Variants in MCM3AP observed in about 807,000 individuals in gnomAD.
The protein encoded by MCM3AP is germinal-center associated nuclear protein.
A neutral mutation model predicts 184.1 loss-of-function variants in MCM3AP; 126 were observed. The ratio of observed to expected loss-of-function variants is 0.68; its 90% CI spans 0.59 to 0.79. MCM3AP has a LOEUF of 0.79. Among genes scored for constraint, MCM3AP ranks in the 30% least tolerant of loss-of-function variants. MCM3AP has a pLI of 0.00. For missense variants in MCM3AP, 2,496 were observed against 2,479.2 expected (o/e 1.01, Z -0.14); for synonymous variants, 1,002 against 979.3 (o/e 1.02, Z -0.43).
Position 46,284,597 on chromosome 21 carries a change from A to G in MCM3AP, c.690T>C (p.Asn230=). 23 of 1,614,180 alleles carry G rather than the reference A, an allele frequency of 1.4e-5. No homozygotes were observed. The highest frequency in any genetic ancestry group is 1.9e-5 in the Non-Finnish European group (22 of 1,180,026). ...TAGGTCCTCTCTTCTCTTCCTCTAC[A>G]TTTTGGTTTGACAAAGCAGGGGTAA... is the stretch of plus-strand genomic sequence containing the variant. ...SAFTPALSNQ[N]VEEEKRGPKS... The change falls in exon 1 of 28, where the codon AAT becomes AAC. Residue 230 remains asparagine (N), a synonymous_variant. Coordinates refer to ENST00000291688, the MANE Select transcript of MCM3AP (RefSeq NM_003906.5).
chr21:46,263,912 G>T (rs553144464), intron 13 of MCM3AP, among the ~76,000 whole-genome samples: 1 of 148,850 alleles, frequency 6.7e-6, no homozygotes, highest in Non-Finnish European at 1.5e-5. Context: ...CCTAAAATTC[G>T]CATGGTATCT....
At chr21:46,263,308 C>T (rs991188241) in intron 13 of MCM3AP, among the ~76,000 whole-genome samples, 16 of 151,792 alleles carry the variant, frequency 1.1e-4, no homozygotes, top group Non-Finnish European at 2.2e-4. Flanking sequence ...CCAGCCTGGG[C>T]GACAGAGCGA....
intron 17 of MCM3AP, among the ~76,000 whole-genome samples, chr21:46,255,185 C>G (rs1222390360): frequency 6.6e-6 from 1 of 152,138 alleles, no homozygotes; most frequent in Admixed American, 6.5e-5. Flanking sequence ...GTGTTGCAGT[C>G]TCACTCAGGG....
Position 46,284,136 on chromosome 21 carries a change from A to G in MCM3AP, c.1151T>C (p.Val384Ala), listed in dbSNP as rs941985187. The G allele has an allele frequency of 6.2e-7, 1 of 1,614,098 alleles. No individual in the cohort carries two copies. Among genetic ancestry groups the G allele is most frequent in the Non-Finnish European group, 8.5e-7 (1 of 1,180,036 alleles). ...ACCTGGAATCCGGGAAGGTGCCAGGACAGACTGATTCCCTCCTGGGATAGC... is the reference window on the plus strand; with the variant it reads ...ACCTGGAATCCGGGAAGGTGCCAGGGCAGACTGATTCCCTCCTGGGATAGC... ...HMAIPGGNQS[V>A]LAPSRIPGVN... The change falls in exon 1 of 28, where the codon GTC becomes GCC. Residue 384 changes from valine to alanine, a missense_variant. Transcript: ENST00000291688.
chr21:46,255,150 G>A (rs913292583), intron 17 of MCM3AP, among the ~76,000 whole-genome samples: 2 of 152,226 alleles, frequency 1.3e-5, no homozygotes, highest in African/African-American at 4.8e-5. Context: ...ATGCTGCCAG[G>A]TGGGGCTGGA....
Position 46,265,458 on chromosome 21 carries a change from G to A in MCM3AP, c.3097C>T (p.Leu1033=). 1 of 1,613,792 alleles carries A rather than the reference G, an allele frequency of 6.2e-7. No individual in the cohort carries two copies. Among genetic ancestry groups the A allele is most frequent in the Non-Finnish European group, 8.5e-7 (1 of 1,179,830 alleles). ...DAPLSSLPQS[L]PAPAPSPVPL... Reference sequence around the variant, plus strand: ...ACTGGTGAGGGCGCAGGGGCTGGTAGAGACTGTGGGAGACTGGACAGGGGT... The same window carrying A: ...ACTGGTGAGGGCGCAGGGGCTGGTAAAGACTGTGGGAGACTGGACAGGGGT... The change falls in exon 12 of 28, where the codon CTA becomes TTA. Residue 1033 remains leucine, a synonymous_variant. Transcript: ENST00000291688.
In MCM3AP at chr21:46,254,864, GAC is replaced by G; in HGVS notation, c.3933-22_3933-21del. The G allele has an allele frequency of 6.2e-7, 1 of 1,602,094 alleles. No homozygotes were observed. The highest frequency in any genetic ancestry group is 8.6e-7 in the Non-Finnish European group (1 of 1,169,100). ...CTTAACCTGCAAAGGAAAGCAGAAT[GAC>G]AGTGTCCCCGCAGGAGCTTAGTGAG... On this transcript the variant is annotated intron_variant, in intron 17 of 27. Coordinates refer to ENST00000291688, the MANE Select transcript of MCM3AP (RefSeq NM_003906.5).
chr21:46,251,642 C>T lies in MCM3AP; in HGVS notation c.4177G>A (p.Glu1393Lys). The T allele has an allele frequency of 6.2e-7, 1 of 1,608,052 alleles. No homozygotes were observed. The highest frequency in any genetic ancestry group is 8.5e-7 in the Non-Finnish European group (1 of 1,174,866). The change falls in exon 20 of 28, where the codon GAA becomes AAA. Residue 1393 changes from glutamate to lysine, a missense_variant. Physicochemically the swap from Glu to Lys is moderately conservative, Grantham distance 56. Coordinates refer to ENST00000291688, the MANE Select transcript of MCM3AP (RefSeq NM_003906.5). ...CTGGATGTGTCATCCACTGAGCCTTCATCTCCCATGAACTTGACTTTTAAC... is the reference window on the plus strand; with the variant it reads ...CTGGATGTGTCATCCACTGAGCCTTTATCTCCCATGAACTTGACTTTTAAC... Reference protein sequence around the residue: ...NWLKVKFMGDEGSVDDTSSDA... With the variant: ...NWLKVKFMGDKGSVDDTSSDA...
intron 8 of MCM3AP, among the ~76,000 whole-genome samples, chr21:46,271,267 C>T (rs2081175135): frequency 6.6e-6 from 1 of 150,926 alleles, no homozygotes; most frequent in South Asian, 2.1e-4. Flanking sequence ...CCTCAAGCAA[C>T]CCTCTCATCT....
chr21:46,273,667 A>G (rs1034460364), intron 6 of MCM3AP, 82 bp from the exon 7 acceptor site: 1 of 990,382 alleles, frequency 1.0e-6, no homozygotes, highest in Admixed American at 1.9e-5. Context: ...GAGGGGGAAA[A>G]TCACATACAC....
Position 46,246,419 on chromosome 21 carries a change from T to C in MCM3AP, c.4550-15A>G, listed in dbSNP as rs1223580182. 1.3e-6 allele frequency: 2 copies of C among 1,515,308 alleles called. No individual in the cohort carries two copies. The highest frequency in any genetic ancestry group is 1.7e-5 in the Admixed American group (1 of 59,904). 93.9% of individuals were successfully genotyped at this position (1,515,308 alleles called of 1,614,324 possible). A position where few individuals can be genotyped will look rare whatever the true frequency, so the allele number is the denominator to read the frequency against. On this transcript the variant is annotated splice_polypyrimidine_tract_variant and intron_variant, in intron 21 of 27. Transcript: ENST00000291688. ...TAGCATCAGACCTTTAAGACAGACATAGATGAAGGTCACTTGCATTCTGCT... is the reference window on the plus strand; with the variant it reads ...TAGCATCAGACCTTTAAGACAGACACAGATGAAGGTCACTTGCATTCTGCT...
rs760428603 is a variant in MCM3AP at position 46,267,085 on chromosome 21, A to G, written c.2686T>C (p.Ser896Pro). 1.2e-6 allele frequency: 2 copies of G among 1,614,122 alleles called. No individual in the cohort carries two copies. Among genetic ancestry groups the G allele is most frequent in the Admixed American group, 3.3e-5 (2 of 60,028 alleles). The change falls in exon 10 of 28, where the codon TCT (serine) becomes CCT (proline). Residue 896 changes from serine (S) to proline (P), a missense_variant. By Grantham distance (74) the Ser-to-Pro change is moderately conservative. Coordinates refer to ENST00000291688, the MANE Select transcript of MCM3AP (RefSeq NM_003906.5). ...ACACCATCCAGGGGAAAGATGGTAGATCGCTGTGTGCTCACCGTGTACGCA... is the reference window on the plus strand; with the variant it reads ...ACACCATCCAGGGGAAAGATGGTAGGTCGCTGTGTGCTCACCGTGTACGCA... ...NFAYTVSTQR[S>P]TIFPLDGVVR... is the part of the protein sequence containing the mutation.
chr21:46,238,771 G>A lies in MCM3AP; in HGVS notation c.5634-1792C>T, dbSNP rs201943037. Reference sequence around the variant, plus strand: ...ATTATAGAGACTGATTTTAGTAATCGGACACATTCATTCACCCTTCCAAAA... The same window carrying A: ...ATTATAGAGACTGATTTTAGTAATCAGACACATTCATTCACCCTTCCAAAA... On this transcript the variant is annotated intron_variant, in intron 26 of 27. Coordinates refer to ENST00000291688, the MANE Select transcript of MCM3AP (RefSeq NM_003906.5). Among the ~76,000 whole-genome samples, 10 of 151,926 alleles carry A rather than the reference G, an allele frequency of 6.6e-5. 2 individuals carry two copies. Among genetic ancestry groups the A allele is most frequent in the Admixed American group, 1.3e-4 (2 of 15,246 alleles).
intron 4 of MCM3AP, among the ~76,000 whole-genome samples, chr21:46,279,680 C>A (rs1025856278): frequency 1.3e-5 from 2 of 152,026 alleles, no homozygotes; most frequent in Non-Finnish European, 2.9e-5. Flanking sequence ...TTCTCAGCAA[C>A]CTTGGCCCTA....
rs1458719566 is a variant in MCM3AP at position 46,260,868 on chromosome 21, C to CTCA, written c.3503_3505dup (p.Leu1168_Ser1169insMet). 6.2e-7 allele frequency: 1 copy of CTCA among 1,613,982 alleles called. No individual in the cohort carries two copies. Among genetic ancestry groups the CTCA allele is most frequent in the Non-Finnish European group, 8.5e-7 (1 of 1,179,938 alleles). On this transcript the variant is annotated inframe_insertion, in exon 15 of 28. Transcript: ENST00000291688. Reference sequence around the variant, plus strand: ...CATCAGCTCCACGGCCAGGCCCTGGCTCAGCTCACTTAACACCAGCTCTCT... The same window carrying CTCA: ...CATCAGCTCCACGGCCAGGCCCTGGCTCATCAGCTCACTTAACACCAGCTCTCT...
intron 5 of MCM3AP, 113 bp from the exon 6 acceptor site, chr21:46,275,438 T>G: frequency 1.1e-6 from 1 of 881,858 alleles, no homozygotes; most frequent in Non-Finnish European, 1.7e-6. Context: ...ACACACACAT[T>G]ACAAAAGAAA....
In MCM3AP at chr21:46,273,679, C is replaced by T. The variant is rs188176586; in HGVS notation, c.1999-94G>A. On this transcript the variant is annotated intron_variant, in intron 6 of 27. Coordinates refer to ENST00000291688, the MANE Select transcript of MCM3AP (RefSeq NM_003906.5). The stretch of plus-strand genomic sequence containing the variant: ...AATGAGGGGGAAAATCACATACACA[C>T]CCACACAAGATCAGTATTTGAGAAT... 9.0e-5 allele frequency: 74 copies of T among 826,312 alleles called. No individual in the cohort carries two copies. In the East Asian group the frequency reaches 1.7e-3, roughly 18 times the overall value. 51.2% of individuals were successfully genotyped at this position (826,312 alleles called of 1,614,324 possible).
chr21:46,284,479 C>T lies in MCM3AP; in HGVS notation c.808G>A (p.Val270Ile). ...ACAGCTTCTTCACACCCCTGCCTGA[C>T]ACCTGCTTTGCTAGCCTGGAAAGGT... ...GEPFQASKAGVRQGCEEAVSQ... is the reference protein window; with the variant it reads ...GEPFQASKAGIRQGCEEAVSQ... The change falls in exon 1 of 28, where the codon GTC becomes ATC. Residue 270 changes from valine to isoleucine, a missense_variant. Physicochemically the swap from Val to Ile is conservative, Grantham distance 29. This residue lies in a region of MCM3AP where 800 missense variants were observed against 717.1 expected (regional missense o/e 1.12). Transcript: ENST00000291688. The T allele has an allele frequency of 6.2e-7, 1 of 1,614,170 alleles. No individual in the cohort carries two copies. The highest frequency in any genetic ancestry group is 8.5e-7 in the Non-Finnish European group (1 of 1,180,042).
intron 14 of MCM3AP, 132 bp from the exon 15 acceptor site, chr21:46,261,038 C>T (rs1043552543): frequency 1.5e-5 from 12 of 825,514 alleles, no homozygotes; most frequent in African/African-American, 3.4e-5. Flanking sequence ...CCTACTCCAG[C>T]TCCCCTGACA....
Sources: gnomAD v4.1 joint callset for allele counts (sites outside exome capture counted in the v4.1 genomes callset) on GRCh38, gnomAD v4.1.1 for gene constraint, gnomAD v4.1.1 regional missense constraint, MANE v1.5 for transcripts, NCBI Gene and HGNC (gene_info 2026-07-23, HGNC 2026-07-21) for gene names.